The following PRLR variants were observed in gnomAD, a reference collection of about 807,000 sequenced individuals.
PRLR encodes prolactin receptor.
In PRLR, 13 loss-of-function variants were observed where a neutral mutation model predicts 40.2. The ratio of observed to expected loss-of-function variants is 0.32; its 90% CI spans 0.21 to 0.51. The LOEUF (loss-of-function observed/expected upper bound fraction) is 0.51, where lower values mean the gene tolerates loss of function less well. PRLR is among the 20% of genes least tolerant of loss of function. The pLI is 0.97. For synonymous variants in PRLR, 269 were observed against 278.7 expected (o/e 0.97, Z 0.35); for missense variants, 656 against 747.3 (o/e 0.88, Z 1.42).
downstream of PRLR, among the ~76,000 whole-genome samples, chr5:35,053,917 G>C (rs1396830058): frequency 6.6e-6 from 1 of 152,106 alleles, no homozygotes; most frequent in African/African-American, 2.4e-5. Flanking sequence ...ATAAAATATG[G>C]TAATAAAACA....
At chr5:35,120,342 CT>C (rs942953681) in intron 1 of PRLR, among the ~76,000 whole-genome samples, 75 of 152,278 alleles carry the variant, frequency 4.9e-4, no homozygotes, top group African/African-American at 1.7e-3. Flanking sequence ...AACCCTACCC[CT>C]GGGCATGTAA....
At position 35,055,761 on chromosome 5, in the gene PRLR, C is replaced by T. The variant is rs531053770; in HGVS notation, c.*9328G>A. On this transcript the variant is annotated 3_prime_UTR_variant, in exon 10 of 10. Transcript: ENST00000618457. ...CTAAACATTACTACCATTGCAAAAG[C>T]ATTTGCTCTGAAAAGGGACTGAAAA... 6.6e-6 allele frequency: 1 copy of T among 152,236 alleles called. No individual in the cohort carries two copies. Among genetic ancestry groups the T allele is most frequent in the Non-Finnish European group, 1.5e-5 (1 of 68,002 alleles). 9.4% of individuals were successfully genotyped at this position (152,236 alleles called of 1,614,324 possible).
chr5:35,137,339 CT>C (rs145474964), intron 1 of PRLR, among the ~76,000 whole-genome samples: 2,685 of 152,190 alleles, frequency 0.018, 98 homozygotes, highest in African/African-American at 0.062. Context: ...AGCAGCATAA[CT>C]TTCATTACCT....
At position 35,169,508 on chromosome 5, in the gene PRLR, G is replaced by A. The variant is rs191665211; in HGVS notation, c.-105-51386C>T. 3.1e-3 allele frequency among the ~76,000 whole-genome samples: 472 copies of A among 152,254 alleles called. 1 individual carries two copies. Among genetic ancestry groups the A allele is most frequent in the Admixed American group, 5.9e-3 (90 of 15,286 alleles). ...AATATTGAAAACAGGACTTCATGAT[G>A]GTGGAAACTGGATCCCTACCAAAAG... On this transcript the variant is annotated intron_variant, in intron 1 of 9. Transcript: ENST00000618457.
At chr5:35,093,852 T>C (rs1317704123) in intron 2 of PRLR, among the ~76,000 whole-genome samples, 3 of 152,234 alleles carry the variant, frequency 2.0e-5, no homozygotes, top group African/African-American at 2.4e-5. Context: ...ACACAAACAC[T>C]TACCATTCTG....
At chr5:35,081,353 G>A in intron 5 of PRLR, 1 of 209,996 alleles carries the variant, frequency 4.8e-6, no homozygotes, top group South Asian at 8.6e-5. Flanking sequence ...AAGGCTGAGG[G>A]CAAGGTCATC....
In PRLR at chr5:35,191,663, A is replaced by T. The variant is rs532177647; in HGVS notation, c.-106+38605T>A. ...AGCCTCAGCCTTGTTACCTGGCCTC[A>T]AAGACCATCTTTAGAAATTCTGTTC... is the stretch of plus-strand genomic sequence containing the variant. On this transcript the variant is annotated intron_variant, in intron 1 of 9. Transcript: ENST00000618457. Among the ~76,000 whole-genome samples the T allele has an allele frequency of 2.8e-4, 42 of 152,308 alleles. 1 individual carries two copies. The South Asian group carries it at 8.3e-3, about 30-fold the overall frequency.
intron 1 of PRLR, among the ~76,000 whole-genome samples, chr5:35,211,666 C>T (rs1321726420): frequency 6.6e-6 from 1 of 152,052 alleles, no homozygotes; most frequent in Non-Finnish European, 1.5e-5. Flanking sequence ...ATGTTATTCA[C>T]AAGTACGCTA....
chr5:35,065,526 C>G lies in PRLR; in HGVS notation c.1432G>C (p.Glu478Gln), dbSNP rs1456671183. The change falls in exon 10 of 10, where the codon GAG becomes CAG. Residue 478 changes from glutamate (E) to glutamine (Q), a missense_variant. This residue lies in a region of PRLR where 469 missense variants were observed against 491.5 expected (regional missense o/e 0.95). Coordinates refer to ENST00000618457, the MANE Select transcript of PRLR (RefSeq NM_000949.7). ...REEGKATQQR[E>Q]VESFHSETDQ... The stretch of plus-strand genomic sequence containing the variant: ...GTCTCAGAATGGAAGCTTTCTACCT[C>G]CCTCTGCTGGGTTGCCTTTCCCTCT... 1 of 1,614,116 alleles carries G rather than the reference C, an allele frequency of 6.2e-7. No homozygotes were observed. Among genetic ancestry groups the G allele is most frequent in the Admixed American group, 1.7e-5 (1 of 60,008 alleles).
downstream of PRLR, among the ~76,000 whole-genome samples, chr5:35,050,967 G>A (rs1768476354): frequency 2.0e-5 from 3 of 152,216 alleles, no homozygotes; most frequent in Non-Finnish European, 2.9e-5. Flanking sequence ...ATTAGCAGAT[G>A]TGTAAGAAGA....
chr5:35,221,996 T>C (rs1776434232), intron 1 of PRLR, among the ~76,000 whole-genome samples: 1 of 152,128 alleles, frequency 6.6e-6, no homozygotes, highest in Middle Eastern at 3.2e-3. Context: ...CCAACACATA[T>C]AAAGGATTCT....
chr5:35,078,330 A>G (rs1431401846), intron 5 of PRLR, among the ~76,000 whole-genome samples: 3 of 152,098 alleles, frequency 2.0e-5, no homozygotes, highest in African/African-American at 4.8e-5. Flanking sequence ...GAAGAAAAGA[A>G]AGAAAAATGA....
At chr5:35,212,297 C>CT (rs1410522195) in intron 1 of PRLR, among the ~76,000 whole-genome samples, 1 of 152,222 alleles carries the variant, frequency 6.6e-6, no homozygotes, top group African/African-American at 2.4e-5. Flanking sequence ...TTTTAGAAAG[C>CT]TGGTGAGTTA....
intron 2 of PRLR, among the ~76,000 whole-genome samples, chr5:35,101,126 T>C (rs974857552): frequency 1.3e-5 from 2 of 152,174 alleles, no homozygotes; most frequent in South Asian, 4.1e-4. Flanking sequence ...TGGAATACCA[T>C]CATCAAAGTT....
chr5:35,049,493 AT>A, intron 8 of PRLR: 5 of 645,572 alleles, frequency 7.7e-6, no homozygotes, highest in Non-Finnish European at 1.4e-5. Context: ...TAAAAAGAAA[AT>A]AAATTATTCG....
rs1769203120 is a variant in PRLR, at chr5:35,064,114, T to A, written c.*975A>T. 1 of 152,164 alleles carries A rather than the reference T, an allele frequency of 6.6e-6. No homozygotes were observed. Among genetic ancestry groups the A allele is most frequent in the South Asian group, 2.1e-4 (1 of 4,832 alleles). 9.4% of individuals were successfully genotyped at this position (152,164 alleles called of 1,614,324 possible). A position where few individuals can be genotyped will look rare whatever the true frequency, so the allele number is the denominator to read the frequency against. On this transcript the variant is annotated 3_prime_UTR_variant, in exon 10 of 10. Transcript: ENST00000618457. ...GAAAATACTGTACCCACTGAATACA[T>A]AAACAGCTGTACTGGGAAAATAGAA...
chr5:35,185,130 GC>G (rs1775391582), intron 1 of PRLR, among the ~76,000 whole-genome samples: 1 of 152,200 alleles, frequency 6.6e-6, no homozygotes, highest in Admixed American at 6.5e-5. Context: ...CTTTAGTTTT[GC>G]TCTCTAGGCT....
chr5:35,072,502 C>A (rs1272124869), intron 6 of PRLR, 73 bp downstream of exon 6: 17 of 1,488,182 alleles, frequency 1.1e-5, no homozygotes, highest in Non-Finnish European at 1.6e-5. Context: ...GGAGGAATGA[C>A]CTGTTTTCAG....
At chr5:35,206,014 G>A (rs555016795) in intron 1 of PRLR, among the ~76,000 whole-genome samples, 5 of 152,126 alleles carry the variant, frequency 3.3e-5, no homozygotes, top group Admixed American at 6.5e-5. Flanking sequence ...CAAGAAAACT[G>A]AAACATCATC....
Sources: gnomAD v4.1 joint callset for allele counts (sites outside exome capture counted in the v4.1 genomes callset) on GRCh38, gnomAD v4.1.1 for gene constraint, gnomAD v4.1.1 regional missense constraint, MANE v1.5 for transcripts, NCBI Gene and HGNC (gene_info 2026-07-23, HGNC 2026-07-21) for gene names.